Variants in PALM2AKAP2 observed in about 807,000 individuals in gnomAD.
PALM2AKAP2 encodes the protein PALM2-AKAP2 fusion protein.
Under a neutral mutation model 71.5 loss-of-function variants are expected in PALM2AKAP2, and 37 were observed. That is an observed-to-expected ratio of 0.52 (90% CI 0.40 to 0.68). The LOEUF is 0.68. Ranked by LOEUF, PALM2AKAP2 falls within the 30% of genes least tolerant of loss-of-function variation. The pLI is 0.00. For synonymous variants in PALM2AKAP2, 468 were observed against 478.8 expected (o/e 0.98, Z 0.29); for missense variants, 1,224 against 1,191.8 (o/e 1.03, Z -0.40).
At chr9:109,936,497 C>T (rs7868897) in intron 6 of PALM2AKAP2, among the ~76,000 whole-genome samples, 1,549 of 152,200 alleles carry the variant, frequency 0.01, 33 homozygotes, top group African/African-American at 0.035. Flanking sequence ...ACCATTTGCT[C>T]GAAGGGATAA....
chr9:109,817,588 G>T (rs529332932), intron 1 of PALM2AKAP2, among the ~76,000 whole-genome samples: 4 of 152,306 alleles, frequency 2.6e-5, no homozygotes, highest in Admixed American at 2.6e-4. Context: ...GAGCCATACA[G>T]TGTCTATGGG....
intron 1 of PALM2AKAP2, among the ~76,000 whole-genome samples, chr9:109,815,445 T>A (rs1827829280): frequency 6.6e-6 from 1 of 152,128 alleles, no homozygotes; most frequent in Non-Finnish European, 1.5e-5. Context: ...AATGAGGCTA[T>A]CCAGGGAAAG....
intron 1 of PALM2AKAP2, among the ~76,000 whole-genome samples, chr9:109,718,232 C>T (rs930055387): frequency 2.6e-5 from 4 of 152,060 alleles, no homozygotes; most frequent in Admixed American, 2.6e-4. Flanking sequence ...AGGTGCATGC[C>T]ACCATGCCTG....
At chr9:110,137,357 C>T (rs1372364887) in exon 2 of PALM2AKAP2, 1 of 1,614,112 alleles carries the variant, frequency 6.2e-7, no homozygotes, top group African/African-American at 1.3e-5. Context: ...TCCGAGACCA[C>T]CTTCTGTCGG....
chr9:110,030,158 C>A (rs144396631), intron 7 of PALM2AKAP2, among the ~76,000 whole-genome samples: 171 of 152,218 alleles, frequency 1.1e-3, no homozygotes, highest in African/African-American at 3.9e-3. Context: ...TGGTTATATA[C>A]CCTTCTTCTT....
At chr9:109,687,514 G>C (rs7029988) in intron 1 of PALM2AKAP2, among the ~76,000 whole-genome samples, 29,852 of 152,154 alleles carry the variant, frequency 0.2, 3,158 homozygotes, top group Middle Eastern at 0.33. Context: ...ACCTCTGCTG[G>C]CTTCCAACCT....
intron 1 of PALM2AKAP2, among the ~76,000 whole-genome samples, chr9:110,056,037 G>A (rs183547218): frequency 2.5e-4 from 38 of 152,296 alleles, no homozygotes; most frequent in Non-Finnish European, 5.1e-4. Context: ...ACCCATGAAA[G>A]GTGCCATGCC....
At chr9:110,018,869 T>C (rs1434763210) in intron 7 of PALM2AKAP2, among the ~76,000 whole-genome samples, 6 of 152,196 alleles carry the variant, frequency 3.9e-5, no homozygotes, top group Non-Finnish European at 7.3e-5. Context: ...AACCATGATG[T>C]CTTTGTATCT....
chr9:109,749,552 GA>G (rs11424372), intron 1 of PALM2AKAP2, among the ~76,000 whole-genome samples: 27 of 144,156 alleles, frequency 1.9e-4, no homozygotes, highest in South Asian at 1.8e-3. Context: ...TCATAGGTTA[GA>G]AAAAAAAAAA....
At chr9:109,979,694 C>G (rs775761060) in intron 6 of PALM2AKAP2, among the ~76,000 whole-genome samples, 10 of 152,148 alleles carry the variant, frequency 6.6e-5, no homozygotes, top group African/African-American at 4.8e-5. Flanking sequence ...ATCAAGGAAC[C>G]ATCTCAACCA....
chr9:109,956,095 C>T (rs1008100698), intron 6 of PALM2AKAP2, among the ~76,000 whole-genome samples: 1 of 151,522 alleles, frequency 6.6e-6, no homozygotes, highest in Non-Finnish European at 1.5e-5. Flanking sequence ...ACCTCCGCCT[C>T]CCAGGTTCAA....
At chr9:109,993,588 T>C (rs996301199) in intron 6 of PALM2AKAP2, among the ~76,000 whole-genome samples, 10 of 152,168 alleles carry the variant, frequency 6.6e-5, no homozygotes, top group African/African-American at 2.4e-4. Context: ...CAAAGGGAAA[T>C]TGGAGTGCTA....
intron 1 of PALM2AKAP2, among the ~76,000 whole-genome samples, chr9:109,672,931 G>A (rs1464844877): frequency 6.6e-6 from 1 of 151,908 alleles, no homozygotes; most frequent in Non-Finnish European, 1.5e-5. Context: ...TTGTATTTCT[G>A]TGAGGTCAGT....
chr9:109,722,369 A>G (rs1188130644), intron 1 of PALM2AKAP2, among the ~76,000 whole-genome samples: 1 of 152,188 alleles, frequency 6.6e-6, no homozygotes, highest in Non-Finnish European at 1.5e-5. Flanking sequence ...CAGTTTCCTC[A>G]GGAGTGGAGA....
intron 1 of PALM2AKAP2, among the ~76,000 whole-genome samples, chr9:109,663,988 T>A (rs923300103): frequency 6.6e-5 from 10 of 152,228 alleles, no homozygotes; most frequent in African/African-American, 2.2e-4. Flanking sequence ...AAGTCTGTTT[T>A]ATCAGAGACT....
At chr9:109,970,493 A>G (rs1832045185) in intron 6 of PALM2AKAP2, among the ~76,000 whole-genome samples, 1 of 152,198 alleles carries the variant, frequency 6.6e-6, no homozygotes, top group Non-Finnish European at 1.5e-5. Flanking sequence ...GGGTTAGGGT[A>G]GAAGCTGGAA....
At chr9:109,789,099 G>C in intron 1 of PALM2AKAP2, among the ~76,000 whole-genome samples, 1 of 152,334 alleles carries the variant, frequency 6.6e-6, no homozygotes, top group Admixed American at 6.5e-5. Flanking sequence ...GAGAGAGTTT[G>C]CCTGGGATTG....
intron 6 of PALM2AKAP2, among the ~76,000 whole-genome samples, chr9:110,002,319 T>A (rs1832696846): frequency 6.6e-6 from 1 of 152,158 alleles, no homozygotes; most frequent in Admixed American, 6.5e-5. Flanking sequence ...ATTATGTTTA[T>A]TGACTTGCAT....
chr9:109,999,966 A>T (rs1309742239), intron 6 of PALM2AKAP2, among the ~76,000 whole-genome samples: 1 of 149,768 alleles, frequency 6.7e-6, no homozygotes, highest in African/African-American at 2.5e-5. Context: ...TAAAGACTGA[A>T]ATTTTTGTAT....
Sources: allele counts gnomAD v4.1 joint callset (sites outside exome capture counted in the v4.1 genomes callset), GRCh38; gene constraint gnomAD v4.1.1; transcripts MANE v1.5; gene names NCBI Gene and HGNC (gene_info 2026-07-23, HGNC 2026-07-21).